ZBTB21: variants seen among roughly 807,000 people sequenced by gnomAD.
The protein encoded by ZBTB21 is zinc finger and BTB domain-containing protein 21.
In ZBTB21, 10 loss-of-function variants were observed where a neutral mutation model predicts 39.8. That is an observed-to-expected ratio of 0.25 (90% CI 0.16 to 0.43). The LOEUF (loss-of-function observed/expected upper bound fraction) is 0.43. Among genes scored for constraint, ZBTB21 ranks in the 20% least tolerant of loss-of-function variants. The pLI is 1.00. For missense variants in ZBTB21, 1,221 were observed against 1,296.3 expected (o/e 0.94, Z 0.89); for synonymous variants, 551 against 498.8 (o/e 1.10, Z -1.40).
intron 2 of ZBTB21, among the ~76,000 whole-genome samples, chr21:41,995,025 G>A (rs1309353729): frequency 1.3e-5 from 2 of 152,184 alleles, no homozygotes; most frequent in Admixed American, 6.5e-5. Context: ...CCCCAACCAC[G>A]TGGAACTGTG....
chr21:41,991,173 A>G lies in ZBTB21; in HGVS notation c.2923T>C (p.Cys975Arg), dbSNP rs775700350. Residue 975 changes from cysteine (C) to arginine (R), a missense_variant, in exon 3 of 3, where the codon TGC becomes CGC. Coordinates refer to ENST00000310826, the MANE Select transcript of ZBTB21 (RefSeq NM_001098402.2). This position sits in a 1 kb window ranked among gnomAD's most constrained non-coding sequence, Gnocchi z 4.9. ...GAGGGAGAGTTTGTGGGAACAGGGCACACCTCAGATTCCTTATGTGCCGAT... is the reference window on the plus strand; with the variant it reads ...GAGGGAGAGTTTGTGGGAACAGGGCGCACCTCAGATTCCTTATGTGCCGAT... ...EESAHKESEV[C>R]PVPTNSPSPP... 6.2e-7 allele frequency: 1 copy of G among 1,614,120 alleles called. No individual in the cohort carries two copies. Among genetic ancestry groups the G allele is most frequent in the Non-Finnish European group, 8.5e-7 (1 of 1,180,022 alleles).
At position 41,992,015 on chromosome 21, in the gene ZBTB21, C is replaced by A. The variant is rs1209730709; in HGVS notation, c.2081G>T (p.Gly694Val). The change falls in exon 3 of 3, where the codon GGA becomes GTA. Residue 694 changes from glycine to valine, a missense_variant. Around this residue, in one of 4 missense-constraint regions of ZBTB21, gnomAD observed 523 missense variants for 542.5 expected, o/e 0.96. Transcript: ENST00000310826. The surrounding 1 kb of genome is among the most constrained non-coding windows in gnomAD (Gnocchi z 4.1). Reference sequence around the variant, plus strand: ...TTTATTTACTCCAAGGGGTTTTTCTCCTGGATGCATTTTTATATGCTGCTT... The same window carrying A: ...TTTATTTACTCCAAGGGGTTTTTCTACTGGATGCATTTTTATATGCTGCTT... ...QFKQHIKMHPGEKPLGVNKVA... is the reference protein window; with the variant it reads ...QFKQHIKMHPVEKPLGVNKVA... 1 of 1,614,180 alleles carries A rather than the reference C, an allele frequency of 6.2e-7. No individual in the cohort carries two copies. The highest frequency in any genetic ancestry group is 1.1e-5 in the South Asian group (1 of 91,082).
intron 1 of ZBTB21, among the ~76,000 whole-genome samples, chr21:42,009,779 G>C (rs1249692928): frequency 6.6e-6 from 1 of 151,948 alleles, no homozygotes; most frequent in East Asian, 1.9e-4. Flanking sequence ...GGGTCCCCAA[G>C]GCCGCCGGCC....
At chr21:42,004,410 A>G (rs1387942278) in intron 1 of ZBTB21, among the ~76,000 whole-genome samples, 1 of 152,108 alleles carries the variant, frequency 6.6e-6, no homozygotes, top group African/African-American at 2.4e-5. Context: ...AGGGAGAGGG[A>G]AGGTAGGCAA....
intron 1 of ZBTB21, among the ~76,000 whole-genome samples, chr21:42,006,143 G>A (rs2065875662): frequency 6.6e-6 from 1 of 152,162 alleles, no homozygotes; most frequent in Non-Finnish European, 1.5e-5. Context: ...AGCCAGGTGT[G>A]GTGGCTCATG....
chr21:41,991,453 C>G lies in ZBTB21; in HGVS notation c.2643G>C (p.Glu881Asp), dbSNP rs762621198. The change falls in exon 3 of 3, where the codon GAG (glutamate) becomes GAC (aspartate). Residue 881 changes from glutamate (E) to aspartate (D), a missense_variant. This residue lies in a region of ZBTB21 where 523 missense variants were observed against 542.5 expected (regional missense o/e 0.96). Transcript: ENST00000310826. This position sits in a 1 kb window ranked among gnomAD's most constrained non-coding sequence, Gnocchi z 4.9. ...SKQLKIQVKE[E>D]PVEEAEEEAP... ...CCTCTTCTTCAGCCTCCTCCACAGG[C>G]TCCTCTTTGACTTGGATTTTCAGTT... 6.2e-7 allele frequency: 1 copy of G among 1,614,126 alleles called. No homozygotes were observed. Among genetic ancestry groups the G allele is most frequent in the South Asian group, 1.1e-5 (1 of 91,064 alleles).
chr21:41,995,815 G>A (rs1017043057), intron 2 of ZBTB21, among the ~76,000 whole-genome samples: 2 of 152,208 alleles, frequency 1.3e-5, no homozygotes, highest in African/African-American at 4.8e-5. Context: ...TGCAGCCTAG[G>A]AACTTGGTGC....
Position 41,993,249 on chromosome 21 carries a change from A to C in ZBTB21, c.847T>G (p.Cys283Gly). The C allele has an allele frequency of 6.2e-7, 1 of 1,611,770 alleles. No homozygotes were observed. The highest frequency in any genetic ancestry group is 8.5e-7 in the Non-Finnish European group (1 of 1,180,012). The change falls in exon 3 of 3, where the codon TGT becomes GGT. Residue 283 changes from cysteine to glycine, a missense_variant. Coordinates refer to ENST00000310826, the MANE Select transcript of ZBTB21 (RefSeq NM_001098402.2). ...KRPRPPVLSV[C>G]SSSETPYLLK... ...AGATAGGGAGTCTCTGATGAGCTAC[A>C]AACAGACAAAACAGGTGGCCGTGGT...
intron 2 of ZBTB21, among the ~76,000 whole-genome samples, chr21:41,997,083 A>G (rs959862899): frequency 6.6e-6 from 1 of 151,870 alleles, no homozygotes; most frequent in Admixed American, 6.6e-5. Context: ...CACCTGGGTA[A>G]TTTTTTTTAT....
chr21:41,996,257 A>T (rs1210035564), intron 2 of ZBTB21, among the ~76,000 whole-genome samples: 1 of 152,248 alleles, frequency 6.6e-6, no homozygotes, highest in East Asian at 1.9e-4. Flanking sequence ...ACTCAATGCC[A>T]GCCCATAAAA....
rs143540135 is a variant in ZBTB21 at position 41,992,071 on chromosome 21, G to A, written c.2025C>T (p.Cys675=). 34 of 1,614,150 alleles carry A rather than the reference G, an allele frequency of 2.1e-5. No homozygotes were observed. In the East Asian group the frequency reaches 3.6e-4, roughly 17 times the overall value. Residue 675 remains cysteine (C), a synonymous_variant, in exon 3 of 3, where the codon TGC becomes TGT. Coordinates refer to ENST00000310826, the MANE Select transcript of ZBTB21 (RefSeq NM_001098402.2). This position sits in a 1 kb window ranked among gnomAD's most constrained non-coding sequence, Gnocchi z 4.1. ...RAKGAYICTY[C]GKAYRFLSQF... ...GAGAGAGAAAGCGGTACGCTTTTCC[G>A]CAGTAAGTACAAATGTAAGCTCCTT...
intron 1 of ZBTB21, among the ~76,000 whole-genome samples, chr21:42,006,839 T>C (rs1013561468): frequency 6.6e-6 from 1 of 152,174 alleles, no homozygotes; most frequent in Non-Finnish European, 1.5e-5. Context: ...AGAGGAAGAT[T>C]AGCACAGAGA....
Position 41,990,816 on chromosome 21 carries a change from ATT to A in ZBTB21, c.*77_*78del. 1 of 1,320,186 alleles carries A rather than the reference ATT, an allele frequency of 7.6e-7. No individual in the cohort carries two copies. Among genetic ancestry groups the A allele is most frequent in the Non-Finnish European group, 1.0e-6 (1 of 1,004,150 alleles). The allele number at this position is 1,320,186 out of a possible 1,614,324, so 81.8% of individuals were successfully genotyped here. ...CCTTTATTATTCTTGTTTAAAAAAT[ATT>A]TTGTTTCTTATGACACATTTCACAA... On this transcript the variant is annotated 3_prime_UTR_variant, in exon 3 of 3. Coordinates refer to ENST00000310826, the MANE Select transcript of ZBTB21 (RefSeq NM_001098402.2).
rs759691586 is a variant in ZBTB21 at position 41,993,747 on chromosome 21, T to C, written c.349A>G (p.Ile117Val). Reference protein sequence around the residue: ...YSLGISFLTNIVSKTPQAPFP... With the variant: ...YSLGISFLTNVVSKTPQAPFP... Reference sequence around the variant, plus strand: ...GGGGCTTGAGGTGTTTTAGAAACGATGTTAGTCAGAAAGGAAATCCCAAGA... The same window carrying C: ...GGGGCTTGAGGTGTTTTAGAAACGACGTTAGTCAGAAAGGAAATCCCAAGA... The change falls in exon 3 of 3, where the codon ATC becomes GTC. Residue 117 changes from isoleucine to valine, a missense_variant. Physicochemically the swap from Ile to Val is conservative, Grantham distance 29. Around this residue, in one of 4 missense-constraint regions of ZBTB21, gnomAD observed 108 missense variants for 155.0 expected, o/e 0.70. Transcript: ENST00000310826. 2.5e-6 allele frequency: 4 copies of C among 1,614,104 alleles called. No homozygotes were observed. Among genetic ancestry groups the C allele is most frequent in the East Asian group, 2.2e-5 (1 of 44,900 alleles).
intron 2 of ZBTB21, among the ~76,000 whole-genome samples, chr21:42,001,450 T>G (rs1340857766): frequency 1.3e-5 from 2 of 152,154 alleles, no homozygotes; most frequent in Non-Finnish European, 2.9e-5. Context: ...GAGCTTAAGG[T>G]CTTGTGCAGG....
At chr21:41,995,488 T>C (rs2065734000) in intron 2 of ZBTB21, among the ~76,000 whole-genome samples, 1 of 152,250 alleles carries the variant, frequency 6.6e-6, no homozygotes, top group Non-Finnish European at 1.5e-5. Flanking sequence ...AAGGAATTTC[T>C]AGGCAGCAAA....
chr21:42,009,285 T>C (rs951553399), intron 1 of ZBTB21: 1 of 152,116 alleles, frequency 6.6e-6, no homozygotes, highest in Non-Finnish European at 1.5e-5. Flanking sequence ...TGGGACCGCA[T>C]AGCAACCGGG....
At chr21:41,998,683 C>T (rs1222373085) in intron 2 of ZBTB21, among the ~76,000 whole-genome samples, 1 of 152,192 alleles carries the variant, frequency 6.6e-6, no homozygotes, top group African/African-American at 2.4e-5. Flanking sequence ...ACCCCAGCCA[C>T]CAGGCTCTTC....
intron 2 of ZBTB21, among the ~76,000 whole-genome samples, chr21:41,998,743 C>T (rs1004908589): frequency 5.3e-5 from 8 of 152,152 alleles, no homozygotes; most frequent in Admixed American, 3.9e-4. Context: ...TGGCCACACA[C>T]GGTATACAAT....
Sources: gnomAD v4.1 joint callset for allele counts (sites outside exome capture counted in the v4.1 genomes callset) on GRCh38, gnomAD v4.1.1 for gene constraint, gnomAD v4.1.1 regional missense constraint, Gnocchi (gnomAD v3.1) non-coding constraint, MANE v1.5 for transcripts, NCBI Gene and HGNC (gene_info 2026-07-23, HGNC 2026-07-21) for gene names.